Variants in TINCR observed in about 807,000 individuals in gnomAD.
The protein encoded by TINCR is TINCR-encoded ubiquitin-like protein.
Position 5,565,522 on chromosome 19 carries a change from CTG to C in TINCR, c.260+2141_260+2142del, listed in dbSNP as rs769318456. Among the ~76,000 whole-genome samples, 11 of 152,326 alleles carry C rather than the reference CTG, an allele frequency of 7.2e-5. No individual in the cohort carries two copies. The East Asian group carries it at 1.4e-3, about 19-fold the overall frequency. On this transcript the variant is annotated intron_variant, in intron 1 of 1. Coordinates refer to ENST00000646160, the Ensembl canonical transcript of TINCR. The surrounding 1 kb of genome is among the most constrained non-coding windows in gnomAD (Gnocchi z 4.0). ...AGTAGGCACACAATAAATGCTGACTCTGTACTGCATAATTACAGTCTGGACGT... is the reference window on the plus strand; with the variant it reads ...AGTAGGCACACAATAAATGCTGACTCTACTGCATAATTACAGTCTGGACGT...
At chr19:5,567,626 G>GCCTACCCCCCCCCCCCCCCCCCC in intron 1 of TINCR, 39 bp downstream of exon 1, 1 of 202,442 alleles carries the variant, frequency 4.9e-6, no homozygotes, top group Non-Finnish European at 9.8e-6. Context: ...GTCCCCGGCC[G>GCCTACCCCCCCCCCCCCCCCCCC]CCGCCCCCGC....
At position 5,565,232 on chromosome 19, in the gene TINCR, TG is replaced by T. The variant is rs2052122420; in HGVS notation, c.261-2284del. Among the ~76,000 whole-genome samples, 1 of 152,166 alleles carries T rather than the reference TG, an allele frequency of 6.6e-6. No homozygotes were observed. The highest frequency in any genetic ancestry group is 6.5e-5 in the Admixed American group (1 of 15,274). Reference sequence around the variant, plus strand: ...AGGTGCAGTCCTGCCTCAGGGCCTTTGCACAGGCTGTTCCTACTGCCTGGAA... The same window carrying T: ...AGGTGCAGTCCTGCCTCAGGGCCTTTCACAGGCTGTTCCTACTGCCTGGAA... On this transcript the variant is annotated intron_variant, in intron 1 of 1. Coordinates refer to ENST00000646160, the Ensembl canonical transcript of TINCR. The surrounding 1 kb of genome is among the most constrained non-coding windows in gnomAD (Gnocchi z 4.0).
chr19:5,559,328 G>A (rs1218616213), downstream of TINCR: 1 of 136,546 alleles, frequency 7.3e-6, no homozygotes, highest in Non-Finnish European at 1.5e-5. Context: ...CAGTGAGGCT[G>A]TCAATCTTTT....
chr19:5,563,928 T>TAATA lies in TINCR; in HGVS notation c.261-983_261-980dup, dbSNP rs1334713322. Reference sequence around the variant, plus strand: ...AGACTCCCGTCTCAAAAATAATAAATAATAAATAAATAAAAGCATCCTCGC... The same window carrying TAATA: ...AGACTCCCGTCTCAAAAATAATAAATAATAAATAAATAAATAAAAGCATCCTCGC... On this transcript the variant is annotated intron_variant, in intron 1 of 1. Transcript: ENST00000646160. The surrounding 1 kb of genome is among the most constrained non-coding windows in gnomAD (Gnocchi z 4.7). Among the ~76,000 whole-genome samples the TAATA allele has an allele frequency of 6.6e-6, 1 of 151,496 alleles. No individual in the cohort carries two copies. The highest frequency in any genetic ancestry group is 1.5e-5 in the Non-Finnish European group (1 of 67,794).
At chr19:5,564,041 C>T (rs902718848) in intron 1 of TINCR, among the ~76,000 whole-genome samples, 2 of 152,192 alleles carry the variant, frequency 1.3e-5, no homozygotes, top group African/African-American at 4.8e-5. Context: ...TGCTAGCTCC[C>T]GTGACAACCT....
At chr19:5,564,462 CTGTT>C (rs1188923497) in intron 1 of TINCR, among the ~76,000 whole-genome samples, 1 of 152,180 alleles carries the variant, frequency 6.6e-6, no homozygotes, top group African/African-American at 2.4e-5. Flanking sequence ...GGGCCCCTGT[CTGTT>C]GGGGAAGACA....
downstream of TINCR, chr19:5,562,542 T>C (rs1032674637): frequency 6.6e-6 from 1 of 152,142 alleles, no homozygotes; most frequent in African/African-American, 2.4e-5. The surrounding 1 kb of genome is among the most constrained non-coding windows in gnomAD (Gnocchi z 4.4). Context: ...CTCACAGAGT[T>C]TACAGTCTAC....
intron 1 of TINCR, among the ~76,000 whole-genome samples, chr19:5,566,188 G>A (rs751571482): frequency 4.6e-5 from 7 of 151,760 alleles, no homozygotes; most frequent in Non-Finnish European, 1.0e-4. Flanking sequence ...TTCAGAGACA[G>A]AGAAAAACAG....
rs952614299 is a variant in TINCR at position 5,563,452 on chromosome 19, A to T, written c.261-503T>A. ...AGGGGCTTGGGAGGAAGAGAGGAAT[A>T]GACTGATGTCAATAAAATCAGAATA... On this transcript the variant is annotated intron_variant, in intron 1 of 1. Coordinates refer to ENST00000646160, the Ensembl canonical transcript of TINCR. This position sits in a 1 kb window ranked among gnomAD's most constrained non-coding sequence, Gnocchi z 4.7. Among the ~76,000 whole-genome samples, 1 of 152,196 alleles carries T rather than the reference A, an allele frequency of 6.6e-6. No homozygotes were observed. The highest frequency in any genetic ancestry group is 1.5e-5 in the Non-Finnish European group (1 of 68,024).
At chr19:5,567,300 TAAGAGTCAGAGAC>T (rs2052135274) in intron 1 of TINCR, among the ~76,000 whole-genome samples, 1 of 142,564 alleles carries the variant, frequency 7.0e-6, no homozygotes, top group African/African-American at 2.6e-5. Context: ...GGCACAGAGA[TAAGAGTCAGAGAC>T]AAGAGACAGA....
rs553837789 is a variant in TINCR, at chr19:5,565,941, G to A, written c.260+1724C>T. Among the ~76,000 whole-genome samples the A allele has an allele frequency of 1.5e-4, 23 of 152,278 alleles. 1 individual carries two copies. Among genetic ancestry groups the A allele is most frequent in the Middle Eastern group, 6.8e-3 (2 of 294 alleles). ...TCTTCACCACCTCTCGGCCATCCTC[G>A]ACCCATTTCCCAGAGCTGCCCCAGG... is the stretch of plus-strand genomic sequence containing the variant. On this transcript the variant is annotated intron_variant, in intron 1 of 1. Transcript: ENST00000646160. This position sits in a 1 kb window ranked among gnomAD's most constrained non-coding sequence, Gnocchi z 4.0.
At chr19:5,567,437 G>GAAAAACAGCAGAGAC (rs1353133292) in intron 1 of TINCR, among the ~76,000 whole-genome samples, 3 of 152,180 alleles carry the variant, frequency 2.0e-5, no homozygotes, top group African/African-American at 7.2e-5. Flanking sequence ...GAGAGAGGCA[G>GAAAAACAGCAGAGAC]AAAAACAGCA....
chr19:5,567,395 G>C (rs891388519), intron 1 of TINCR, among the ~76,000 whole-genome samples: 2 of 152,144 alleles, frequency 1.3e-5, no homozygotes, highest in Non-Finnish European at 2.9e-5. Flanking sequence ...AGACGAGAGA[G>C]TGACAAAGAT....
chr19:5,567,214 GA>G (rs1394731285), intron 1 of TINCR, among the ~76,000 whole-genome samples: 1 of 151,782 alleles, frequency 6.6e-6, no homozygotes, highest in Non-Finnish European at 1.5e-5. Context: ...CAAAAGAGAT[GA>G]GAGAGACAAA....
rs975903668 is a variant in TINCR at position 5,565,436 on chromosome 19, C to T, written c.260+2229G>A. 3.3e-5 allele frequency among the ~76,000 whole-genome samples: 5 copies of T among 152,146 alleles called. No individual in the cohort carries two copies. Among genetic ancestry groups the T allele is most frequent in the African/African-American group, 1.2e-4 (5 of 41,426 alleles). On this transcript the variant is annotated intron_variant, in intron 1 of 1. Transcript: ENST00000646160. The surrounding 1 kb of genome is among the most constrained non-coding windows in gnomAD (Gnocchi z 4.0). ...TATTTGGCTCTAGGCTCTGTGAAGGCGAAATCTGGTCTCTCTGGGTCACTG... is the reference window on the plus strand; with the variant it reads ...TATTTGGCTCTAGGCTCTGTGAAGGTGAAATCTGGTCTCTCTGGGTCACTG...
downstream of TINCR, chr19:5,560,534 A>G (rs1215761648): frequency 6.6e-6 from 1 of 152,204 alleles, no homozygotes; most frequent in Non-Finnish European, 1.5e-5. This position sits in a 1 kb window ranked among gnomAD's most constrained non-coding sequence, Gnocchi z 4.5. Flanking sequence ...GGCCCGGCAC[A>G]CTGCCCTGAG....
At position 5,565,559 on chromosome 19, in the gene TINCR, G is replaced by A. The variant is rs898092661; in HGVS notation, c.260+2106C>T. 4.6e-5 allele frequency among the ~76,000 whole-genome samples: 7 copies of A among 152,098 alleles called. No individual in the cohort carries two copies. Among genetic ancestry groups the A allele is most frequent in the Non-Finnish European group, 1.0e-4 (7 of 68,018 alleles). On this transcript the variant is annotated intron_variant, in intron 1 of 1. Transcript: ENST00000646160. The surrounding 1 kb of genome is among the most constrained non-coding windows in gnomAD (Gnocchi z 4.0). ...ATTACAGTCTGGACGTCTGAGGGTC[G>A]TCCAGCCCCCAGACCTCATAGAAGG...
At chr19:5,559,598 G>A (rs930846154), downstream of TINCR, 1 of 152,332 alleles carries the variant, frequency 6.6e-6, no homozygotes, top group African/African-American at 2.4e-5. Context: ...TCCTCCCAAA[G>A]TGCTGGGATT....
chr19:5,566,897 G>A (rs1323142800), intron 1 of TINCR, among the ~76,000 whole-genome samples: 1 of 151,298 alleles, frequency 6.6e-6, no homozygotes, highest in Non-Finnish European at 1.5e-5. Context: ...AGAGATGAGG[G>A]AGAAACAGGG....
Sources: allele counts gnomAD v4.1 joint callset (sites outside exome capture counted in the v4.1 genomes callset), GRCh38; gene constraint gnomAD v4.1.1; non-coding constraint Gnocchi (gnomAD v3.1); transcripts MANE v1.5; gene names NCBI Gene and HGNC (gene_info 2026-07-23, HGNC 2026-07-21).